Variants in ADAMTSL1 observed in about 807,000 individuals in gnomAD.
The protein encoded by ADAMTSL1 is ADAMTS-like protein 1.
ADAMTSL1 carries 126 observed loss-of-function variants against 201.8 expected under a neutral mutation model. That is an observed-to-expected ratio of 0.62 (90% CI 0.54 to 0.72). The LOEUF is 0.72. Ranked by LOEUF, ADAMTSL1 falls within the 30% of genes least tolerant of loss-of-function variation. The pLI, the probability that ADAMTSL1 is intolerant of heterozygous loss-of-function variation, is 0.00. For missense variants in ADAMTSL1, 2,679 were observed against 2,277.8 expected, an observed-to-expected ratio of 1.18 and a Z score of -3.59; for synonymous variants, 1,121 against 903.4, an observed-to-expected ratio of 1.24 and a Z score of -4.32.
chr9:18,631,335 A>G (rs1826759045), intron 5 of ADAMTSL1, among the ~76,000 whole-genome samples: 1 of 152,174 alleles, frequency 6.6e-6, no homozygotes, highest in Admixed American at 6.6e-5. Flanking sequence ...CAGGGAGAAA[A>G]TTGAAAGCCT....
At chr9:18,755,959 C>A (rs1265271236) in intron 16 of ADAMTSL1, among the ~76,000 whole-genome samples, 1 of 150,968 alleles carries the variant, frequency 6.6e-6, no homozygotes, top group Admixed American at 6.6e-5. Context: ...TCAAACATAA[C>A]AAGAAATAAA....
chr9:18,722,112 A>C (rs1270769350), intron 15 of ADAMTSL1, among the ~76,000 whole-genome samples: 1 of 151,790 alleles, frequency 6.6e-6, no homozygotes, highest in South Asian at 2.1e-4. Flanking sequence ...TGCACACAGC[A>C]TGCAGATTCA....
intron 16 of ADAMTSL1, among the ~76,000 whole-genome samples, chr9:18,755,348 T>C (rs1819693257): frequency 1.3e-5 from 2 of 152,190 alleles, no homozygotes; most frequent in Non-Finnish European, 2.9e-5. Context: ...GTCCCCATAT[T>C]ATTAGTAGCT....
chr9:18,884,225 C>T (rs1372069583), intron 23 of ADAMTSL1, among the ~76,000 whole-genome samples: 1 of 152,154 alleles, frequency 6.6e-6, no homozygotes, highest in Non-Finnish European at 1.5e-5. Flanking sequence ...GGAGAAATGT[C>T]TGCTCAAGTC....
chr9:18,178,928 A>C (rs1828313635), intron 2 of ADAMTSL1, among the ~76,000 whole-genome samples: 1 of 152,104 alleles, frequency 6.6e-6, no homozygotes, highest in East Asian at 1.9e-4. Context: ...AGATGGGGAA[A>C]AAACAGAGCA....
At chr9:18,507,192 A>G (rs1374292418) in intron 2 of ADAMTSL1, among the ~76,000 whole-genome samples, 1 of 152,222 alleles carries the variant, frequency 6.6e-6, no homozygotes, top group East Asian at 1.9e-4. Context: ...GACAAACAAC[A>G]TAGAGGTTGA....
At chr9:18,348,521 C>G (rs1160364801) in intron 2 of ADAMTSL1, among the ~76,000 whole-genome samples, 6 of 152,162 alleles carry the variant, frequency 3.9e-5, no homozygotes, top group Non-Finnish European at 8.8e-5. Context: ...ATAACACTTG[C>G]TACGTAATGA....
chr9:18,112,256 A>C (rs980799045), intron 1 of ADAMTSL1, among the ~76,000 whole-genome samples: 5 of 152,132 alleles, frequency 3.3e-5, no homozygotes, highest in African/African-American at 9.7e-5. Context: ...GCCTTAGTCC[A>C]TCTGAGTTCA....
chr9:18,499,453 T>A (rs1822715566), intron 1 of ADAMTSL1, among the ~76,000 whole-genome samples: 1 of 152,192 alleles, frequency 6.6e-6, no homozygotes, highest in Non-Finnish European at 1.5e-5. Flanking sequence ...AGAGACCTGA[T>A]GTGGGTAGGG....
chr9:18,045,284 A>G (rs1211791437), intron 1 of ADAMTSL1, among the ~76,000 whole-genome samples: 1 of 152,168 alleles, frequency 6.6e-6, no homozygotes, highest in Non-Finnish European at 1.5e-5. Context: ...TTCTCTGGAT[A>G]CATGTATACT....
intron 2 of ADAMTSL1, among the ~76,000 whole-genome samples, chr9:18,295,478 A>G (rs1237537129): frequency 6.6e-6 from 1 of 152,028 alleles, no homozygotes; most frequent in Non-Finnish European, 1.5e-5. Flanking sequence ...AGCTGGGACT[A>G]CAGGCATGCA....
At chr9:18,634,164 G>A (rs890124442) in intron 5 of ADAMTSL1, among the ~76,000 whole-genome samples, 1 of 152,086 alleles carries the variant, frequency 6.6e-6, no homozygotes, top group Admixed American at 6.5e-5. Flanking sequence ...CCTAAAGATA[G>A]GATGATAATA....
chr9:18,506,678 C>T (rs959728209), intron 2 of ADAMTSL1, among the ~76,000 whole-genome samples: 1 of 152,152 alleles, frequency 6.6e-6, no homozygotes, highest in Admixed American at 6.5e-5. Context: ...TATCAGTTGT[C>T]TTCTACTTAT....
intron 3 of ADAMTSL1, among the ~76,000 whole-genome samples, chr9:18,540,130 T>A (rs1190428381): frequency 2.6e-5 from 4 of 152,170 alleles, no homozygotes; most frequent in Non-Finnish European, 4.4e-5. Flanking sequence ...GTTAGTTTTC[T>A]GAAAAATGGA....
chr9:18,791,994 A>AC (rs1440665656), intron 19 of ADAMTSL1, among the ~76,000 whole-genome samples: 1 of 151,998 alleles, frequency 6.6e-6, no homozygotes, highest in Non-Finnish European at 1.5e-5. Flanking sequence ...ATAAAAACTA[A>AC]CCCCCACCTA....
chr9:18,411,340 T>C (rs1818435040), intron 2 of ADAMTSL1, among the ~76,000 whole-genome samples: 1 of 151,834 alleles, frequency 6.6e-6, no homozygotes, highest in South Asian at 2.1e-4. Context: ...GGGGTGGGAC[T>C]ACAAACGTGC....
rs1015721539 is a variant in ADAMTSL1 at position 18,504,140 on chromosome 9, A to G, written c.64-689A>G. ...CCAAACTCAGATAATTTGTAACTCC[A>G]GAGCCTGTTCTCTTAACTATAGCAC... On this transcript the variant is annotated intron_variant, in intron 1 of 28. Coordinates refer to ENST00000380548, the MANE Select transcript of ADAMTSL1 (RefSeq NM_001040272.6). 2.0e-5 allele frequency among the ~76,000 whole-genome samples: 3 copies of G among 152,216 alleles called. 1 individual carries two copies. The highest frequency in any genetic ancestry group is 4.4e-5 in the Non-Finnish European group (3 of 68,042).
chr9:18,077,428 T>C (rs1416926746), intron 1 of ADAMTSL1, among the ~76,000 whole-genome samples: 1 of 151,926 alleles, frequency 6.6e-6, no homozygotes, highest in African/African-American at 2.4e-5. Context: ...AGGTGGAAAA[T>C]TGGGACAGAG....
chr9:17,936,551 C>T (rs72695949), intron 1 of ADAMTSL1, among the ~76,000 whole-genome samples: 1 of 152,118 alleles, frequency 6.6e-6, no homozygotes, highest in African/African-American at 2.4e-5. Context: ...TCCTTTCCAG[C>T]TCTAACAATC....
Sources: allele counts gnomAD v4.1 joint callset (sites outside exome capture counted in the v4.1 genomes callset), GRCh38; gene constraint gnomAD v4.1.1; transcripts MANE v1.5; gene names NCBI Gene and HGNC (gene_info 2026-07-23, HGNC 2026-07-21).